The following ERI3 variants were observed in gnomAD, a reference collection of about 807,000 sequenced individuals.
The protein encoded by ERI3 is ERI1 exoribonuclease 3.
Under a neutral mutation model 44.4 loss-of-function variants are expected in ERI3, and 18 were observed. The observed-to-expected ratio is 0.41, with a 90% CI of 0.28 to 0.60. The LOEUF (loss-of-function observed/expected upper bound fraction) is 0.60. ERI3 is among the 20% of genes least tolerant of loss of function. The pLI, the probability that ERI3 is intolerant of heterozygous loss-of-function variation, is 0.36. For missense variants in ERI3, 294 were observed against 435.5 expected (o/e 0.68, Z 2.89); for synonymous variants, 183 against 164.8 (o/e 1.11, Z -0.84).
chr1:44,351,314 G>A lies in ERI3; in HGVS notation c.211+1536C>T, dbSNP rs567265194. Among the ~76,000 whole-genome samples, 18 of 152,244 alleles carry A rather than the reference G, an allele frequency of 1.2e-4. No individual in the cohort carries two copies. The East Asian group carries it at 2.7e-3, about 23-fold the overall frequency. On this transcript the variant is annotated intron_variant, in intron 2 of 8. Coordinates refer to ENST00000372257, the MANE Select transcript of ERI3 (RefSeq NM_024066.3). ...TTCCCAAAGTGCTGGGATTACAGGCGTGAGCCACCATGCCGGCCTGCCAAC... is the reference window on the plus strand; with the variant it reads ...TTCCCAAAGTGCTGGGATTACAGGCATGAGCCACCATGCCGGCCTGCCAAC...
At chr1:44,310,460 A>G (rs559288618) in intron 5 of ERI3, among the ~76,000 whole-genome samples, 2 of 152,300 alleles carry the variant, frequency 1.3e-5, no homozygotes, top group South Asian at 2.1e-4. Flanking sequence ...TACTCAAGAG[A>G]TATTTGCTGA....
chr1:44,319,465 G>C (rs1036955390), intron 4 of ERI3, among the ~76,000 whole-genome samples, 163 bp downstream of exon 4: 1 of 152,256 alleles, frequency 6.6e-6, no homozygotes, highest in Non-Finnish European at 1.5e-5. Context: ...ACAGTGACCT[G>C]AGTGGAGTGG....
At chr1:44,314,920 G>A (rs937217738) in intron 4 of ERI3, among the ~76,000 whole-genome samples, 3 of 152,142 alleles carry the variant, frequency 2.0e-5, no homozygotes, top group Non-Finnish European at 4.4e-5. Context: ...GCCGCAAACC[G>A]AGCAGGCAGT....
intron 7 of ERI3, among the ~76,000 whole-genome samples, chr1:44,266,761 A>G (rs1301426935): frequency 6.6e-6 from 1 of 152,132 alleles, no homozygotes; most frequent in Non-Finnish European, 1.5e-5. Context: ...CCTACCATAA[A>G]CCTTGGCACT....
intron 2 of ERI3, among the ~76,000 whole-genome samples, chr1:44,343,008 C>G (rs1049155069): frequency 5.3e-5 from 8 of 150,376 alleles, no homozygotes; most frequent in African/African-American, 2.0e-4. Flanking sequence ...AGCACCCAGC[C>G]CCAGTTGCCT....
intron 3 of ERI3, among the ~76,000 whole-genome samples, chr1:44,335,994 G>C (rs1321144557): frequency 6.6e-6 from 1 of 152,076 alleles, no homozygotes; most frequent in Non-Finnish European, 1.5e-5. Flanking sequence ...AGAGCAAGTT[G>C]TTATCGTACT....
intron 4 of ERI3, among the ~76,000 whole-genome samples, chr1:44,318,318 T>C (rs1572266643): frequency 6.6e-6 from 1 of 152,130 alleles, no homozygotes; most frequent in Admixed American, 6.5e-5. Flanking sequence ...AGGGCTCAGG[T>C]AACTGGCTGG....
intron 7 of ERI3, among the ~76,000 whole-genome samples, chr1:44,260,398 C>T (rs914829528): frequency 7.9e-5 from 12 of 152,192 alleles, no homozygotes; most frequent in Non-Finnish European, 8.8e-5. Context: ...TGAGCAGGGG[C>T]AGGAGTGTGA....
At chr1:44,351,225 G>A (rs1019064443) in intron 2 of ERI3, among the ~76,000 whole-genome samples, 1 of 151,912 alleles carries the variant, frequency 6.6e-6, no homozygotes, top group Non-Finnish European at 1.5e-5. Flanking sequence ...GTAGAGACAG[G>A]GTTTCAACAT....
At chr1:44,260,420 AAGCCAAGCCTCCTGGGAAGGGGCTGGAG>A (rs1439626903) in intron 7 of ERI3, among the ~76,000 whole-genome samples, 2 of 152,158 alleles carry the variant, frequency 1.3e-5, no homozygotes, top group East Asian at 3.9e-4. Context: ...GAGGACCCTA[AAGCCAAGCCTCCTGGGAAGGGGCTGGAG>A]ACCAAGTAGC....
At chr1:44,350,827 C>A (rs1318206753) in intron 2 of ERI3, among the ~76,000 whole-genome samples, 1 of 151,888 alleles carries the variant, frequency 6.6e-6, no homozygotes, top group East Asian at 1.9e-4. Context: ...CAATTTCCTG[C>A]CTCAAGCCTC....
At chr1:44,344,822 C>T (rs1193635806) in intron 2 of ERI3, among the ~76,000 whole-genome samples, 2 of 152,152 alleles carry the variant, frequency 1.3e-5, no homozygotes, top group East Asian at 3.9e-4. Context: ...TATTAAGTAG[C>T]CCATGGCAAG....
intron 7 of ERI3, among the ~76,000 whole-genome samples, chr1:44,250,462 C>T (rs955650577): frequency 2.0e-5 from 3 of 152,118 alleles, no homozygotes; most frequent in East Asian, 1.9e-4. Flanking sequence ...GAAAGGGGGA[C>T]GGAGGACAGC....
chr1:44,242,992 C>T (rs749712910), intron 8 of ERI3, among the ~76,000 whole-genome samples: 8 of 152,198 alleles, frequency 5.3e-5, no homozygotes, highest in Admixed American at 1.3e-4. Context: ...CTCCCTGAGC[C>T]GACGATTCTC....
chr1:44,330,887 T>C (rs1646414084), intron 3 of ERI3, among the ~76,000 whole-genome samples: 1 of 152,218 alleles, frequency 6.6e-6, no homozygotes. Context: ...GGTCTCCTGA[T>C]ATCAGTTTCC....
chr1:44,221,370 G>C lies in ERI3; in HGVS notation c.*188C>G, dbSNP rs1056693. On this transcript the variant is annotated 3_prime_UTR_variant, in exon 9 of 9. Transcript: ENST00000372257. This position sits in a 1 kb window ranked among gnomAD's most constrained non-coding sequence, Gnocchi z 5.9. The stretch of plus-strand genomic sequence containing the variant: ...TGGGGGGCACAAAGTGTCTGCTCCA[G>C]AAGGGCCAAGTGGCCAAGCCCTTGC... 4 of 583,888 alleles carry C rather than the reference G, an allele frequency of 6.9e-6. No homozygotes were observed. Among genetic ancestry groups the C allele is most frequent in the Non-Finnish European group, 1.2e-5 (4 of 327,950 alleles). 36.2% of individuals were successfully genotyped at this position (583,888 alleles called of 1,614,324 possible).
intron 6 of ERI3, among the ~76,000 whole-genome samples, chr1:44,286,168 C>A (rs1645390472): frequency 6.6e-6 from 1 of 152,152 alleles, no homozygotes; most frequent in Admixed American, 6.5e-5. Flanking sequence ...CTGGAGCAGG[C>A]CAGCATTTGG....
chr1:44,293,889 C>T (rs948082171), intron 6 of ERI3, among the ~76,000 whole-genome samples: 10 of 152,180 alleles, frequency 6.6e-5, no homozygotes, highest in African/African-American at 2.2e-4. Context: ...GCACGGGTCA[C>T]GGCTGCCATG....
chr1:44,283,448 G>A (rs1645329550), intron 7 of ERI3, among the ~76,000 whole-genome samples: 1 of 152,232 alleles, frequency 6.6e-6, no homozygotes, highest in African/African-American at 2.4e-5. Flanking sequence ...GGGCTTCTCA[G>A]CAGAAGTGAT....
Sources: gnomAD v4.1 joint callset for allele counts (sites outside exome capture counted in the v4.1 genomes callset) on GRCh38, gnomAD v4.1.1 for gene constraint, Gnocchi (gnomAD v3.1) non-coding constraint, MANE v1.5 for transcripts, NCBI Gene and HGNC (gene_info 2026-07-23, HGNC 2026-07-21) for gene names.